UHRF1: variants seen among roughly 807,000 people sequenced by gnomAD.
The protein encoded by UHRF1 is ubiquitin like with PHD and ring finger domains 1, also known as E3 ubiquitin-protein ligase UHRF1.
In UHRF1, 9 loss-of-function variants were observed where a neutral mutation model predicts 96.5. The observed-to-expected ratio is 0.09, with a 90% CI of 0.06 to 0.16. UHRF1 has a LOEUF of 0.16. UHRF1 is among the 10% of genes least tolerant of loss of function. The probability of loss-of-function intolerance (pLI) is 1.00; values close to 1 mark genes in which losing one functional copy is unlikely to be tolerated. For missense variants in UHRF1, 626 were observed against 1,131.1 expected (o/e 0.55, Z 6.40); for synonymous variants, 455 against 469.9 (o/e 0.97, Z 0.41).
At chr19:4,955,067 C>T (rs2033820885) in intron 15 of UHRF1, among the ~76,000 whole-genome samples, 1 of 151,988 alleles carries the variant, frequency 6.6e-6, no homozygotes, top group Non-Finnish European at 1.5e-5. Flanking sequence ...TCCCCAGCCC[C>T]GGCAACTGCT....
chr19:4,912,230 C>T (rs7254649), intron 2 of UHRF1, among the ~76,000 whole-genome samples: 3,358 of 152,286 alleles, frequency 0.022, 107 homozygotes, highest in African/African-American at 0.075. Context: ...AGAGAAGAGG[C>T]AGGGCCGGGC....
Position 4,950,614 on chromosome 19 carries a change from G to A in UHRF1, c.1521G>A (p.Ala507=), listed in dbSNP as rs775286606. The part of the protein sequence containing the change: ...CDQKLTNTNR[A]LALNCFAPIN... ...GGGGTCCTGACTCTCCCTGCAGGGC[G>A]CTGGCTCTCAACTGCTTTGCTCCCA... The change falls in exon 12 of 17, where the codon GCG becomes GCA. Residue 507 remains alanine (A), a synonymous_variant. Transcript: ENST00000650932. 1.4e-5 allele frequency: 23 copies of A among 1,611,208 alleles called. No homozygotes were observed. The highest frequency in any genetic ancestry group is 2.1e-4 in the Middle Eastern group (1 of 4,868).
chr19:4,932,424 T>A (rs943441978), intron 4 of UHRF1, among the ~76,000 whole-genome samples: 3 of 152,258 alleles, frequency 2.0e-5, no homozygotes, highest in African/African-American at 7.2e-5. Context: ...CCTACTGCAG[T>A]GTGATCTCAT....
intron 2 of UHRF1, among the ~76,000 whole-genome samples, chr19:4,914,744 T>C (rs2032426593): frequency 6.6e-6 from 1 of 151,728 alleles, no homozygotes; most frequent in Non-Finnish European, 1.5e-5. Context: ...CTCTGCACTG[T>C]ACATAATCTT....
At position 4,961,544 on chromosome 19, in the gene UHRF1, G is replaced by A. The variant is rs1263068626; in HGVS notation, c.*741G>A. ...CTGTCCGACGAAGGCGGCCACGGACGGACGCCAGCACACGAAGTCACGTGC... is the reference window on the plus strand; with the variant it reads ...CTGTCCGACGAAGGCGGCCACGGACAGACGCCAGCACACGAAGTCACGTGC... On this transcript the variant is annotated 3_prime_UTR_variant, in exon 17 of 17. Transcript: ENST00000650932. The A allele has an allele frequency of 2.0e-5, 3 of 152,494 alleles. No individual in the cohort carries two copies. The highest frequency in any genetic ancestry group is 1.9e-4 in the East Asian group (1 of 5,200). The allele number at this position is 152,494 out of a possible 1,614,324, so 9.4% of individuals were successfully genotyped here. A position where few individuals can be genotyped will look rare whatever the true frequency, so the allele number is the denominator to read the frequency against.
chr19:4,960,537 A>G, intron 16 of UHRF1, 120 bp from the exon 17 acceptor site: 2 of 1,396,074 alleles, frequency 1.4e-6, no homozygotes, highest in Non-Finnish European at 2.0e-6. Context: ...GGAAAGTGAG[A>G]CTGAAGGTCA....
At chr19:4,929,143 T>C in intron 2 of UHRF1, 79 bp from the exon 3 acceptor site, 1 of 1,520,080 alleles carries the variant, frequency 6.6e-7, no homozygotes, top group Admixed American at 1.8e-5. Context: ...GGACACAGTG[T>C]TTGGTTCATC....
chr19:4,914,583 C>G (rs75725020), intron 2 of UHRF1, among the ~76,000 whole-genome samples: 29 of 151,432 alleles, frequency 1.9e-4, no homozygotes, highest in African/African-American at 7.0e-4. Context: ...GGGAGCTGAT[C>G]GAGGGCAGTG....
At chr19:4,932,667 C>T (rs745511298) in intron 4 of UHRF1, 74 bp from the exon 5 acceptor site, 14 of 1,546,284 alleles carry the variant, frequency 9.1e-6, no homozygotes, top group Non-Finnish European at 1.2e-5. Context: ...GGCCGTCCCA[C>T]CTCGGCTCGT....
chr19:4,919,466 C>A (rs2032631059), intron 2 of UHRF1, among the ~76,000 whole-genome samples: 1 of 151,934 alleles, frequency 6.6e-6, no homozygotes. Context: ...CCTCGCCCAG[C>A]TAATTTTTTG....
upstream of UHRF1, among the ~76,000 whole-genome samples, chr19:4,906,128 C>G (rs1392623625): frequency 6.6e-6 from 1 of 152,082 alleles, no homozygotes; most frequent in African/African-American, 2.4e-5. Context: ...AGGTGCACAC[C>G]ACCATGCCTG....
At chr19:4,903,718 G>C (rs1378178764) in intron 1 of UHRF1, 1 of 152,004 alleles carries the variant, frequency 6.6e-6, no homozygotes, top group Non-Finnish European at 1.5e-5. Context: ...GGCCAGGCTG[G>C]TCTCGAACTT....
intron 5 of UHRF1, among the ~76,000 whole-genome samples, chr19:4,934,474 CCT>C (rs1394735506): frequency 6.6e-6 from 1 of 152,194 alleles, no homozygotes; most frequent in Non-Finnish European, 1.5e-5. Context: ...CTCCCTAGCC[CCT>C]GACACCTCTG....
upstream of UHRF1, among the ~76,000 whole-genome samples, chr19:4,905,374 C>A (rs562890502): frequency 1.9e-4 from 29 of 151,780 alleles, 1 homozygote; most frequent in Middle Eastern, 6.8e-3. Flanking sequence ...CTGCCTCAGC[C>A]TCCCAAAGTG....
At chr19:4,904,294 T>A (rs552116644) in intron 1 of UHRF1, among the ~76,000 whole-genome samples, 1 of 152,252 alleles carries the variant, frequency 6.6e-6, no homozygotes, top group East Asian at 1.9e-4. Context: ...TTCTCCTGCC[T>A]CAGCTTCCCG....
Position 4,921,711 on chromosome 19 carries a change from C to T in UHRF1, c.154-7511C>T, listed in dbSNP as rs529989539. ...GGTCGAGGTTGCAGTGAGCCATGGT[C>T]GTGCCACTGCCCTCCAGCCTGGGCA... On this transcript the variant is annotated intron_variant, in intron 2 of 16. Coordinates refer to ENST00000650932, the MANE Select transcript of UHRF1 (RefSeq NM_001048201.3). 4.0e-5 allele frequency among the ~76,000 whole-genome samples: 6 copies of T among 149,536 alleles called. No individual in the cohort carries two copies. The South Asian group carries it at 8.5e-4, about 21-fold the overall frequency.
At position 4,954,313 on chromosome 19, in the gene UHRF1, C is replaced by T; in HGVS notation, c.1819-37C>T. 6.2e-7 allele frequency: 1 copy of T among 1,603,980 alleles called. No individual in the cohort carries two copies. The highest frequency in any genetic ancestry group is 2.2e-4 in the Middle Eastern group (1 of 4,538). On this transcript the variant is annotated intron_variant, in intron 13 of 16. Coordinates refer to ENST00000650932, the MANE Select transcript of UHRF1 (RefSeq NM_001048201.3). The surrounding 1 kb of genome is among the most constrained non-coding windows in gnomAD (Gnocchi z 5.9). ...CGGGCTCTGCATAGCGTGTGGGCCC[C>T]AAGCCTGACTCACGGCTGTCCCTCT...
intron 11 of UHRF1, among the ~76,000 whole-genome samples, chr19:4,949,555 G>A (rs1268221480): frequency 6.6e-6 from 1 of 151,992 alleles, no homozygotes. Flanking sequence ...GGCCATGGGT[G>A]GTGTGTCACA....
chr19:4,948,707 C>T (rs986353392), intron 11 of UHRF1, among the ~76,000 whole-genome samples: 2 of 151,900 alleles, frequency 1.3e-5, no homozygotes, highest in Non-Finnish European at 2.9e-5. Context: ...GAGGCTGAGG[C>T]AGAATTGCTT....
Sources: gnomAD v4.1 joint callset for allele counts (sites outside exome capture counted in the v4.1 genomes callset) on GRCh38, gnomAD v4.1.1 for gene constraint, Gnocchi (gnomAD v3.1) non-coding constraint, MANE v1.5 for transcripts, NCBI Gene and HGNC (gene_info 2026-07-23, HGNC 2026-07-21) for gene names.